Variants in GAN observed in about 807,000 individuals in gnomAD.
The protein encoded by GAN is epididymis secretory sperm binding protein.
GAN carries 48 observed loss-of-function variants against 71.3 expected under a neutral mutation model. The observed-to-expected ratio is 0.67, with a 90% CI of 0.53 to 0.86. The LOEUF (loss-of-function observed/expected upper bound fraction) is 0.86, where lower values mean the gene tolerates loss of function less well. Ranked by LOEUF, GAN falls within the 40% of genes least tolerant of loss-of-function variation. The pLI is 0.00. For synonymous variants in GAN, 386 were observed against 276.8 expected, an observed-to-expected ratio of 1.39 and a Z score of -3.92; for missense variants, 928 against 770.1, an observed-to-expected ratio of 1.21 and a Z score of -2.43.
At chr16:81,352,907 G>C (rs1045481791) in intron 2 of GAN, among the ~76,000 whole-genome samples, 3 of 152,254 alleles carry the variant, frequency 2.0e-5, no homozygotes, top group Non-Finnish European at 4.4e-5. Context: ...TTATAAGCCA[G>C]TAAGAGCCTA....
chr16:81,318,074 A>G (rs7195134), intron 1 of GAN, among the ~76,000 whole-genome samples: 142,961 of 152,300 alleles, frequency 0.94, 67,195 homozygotes, highest in Middle Eastern at 0.98. Context: ...TTGTATTTTT[A>G]CTGGTAATTT....
At chr16:81,317,396 G>C (rs1909079699) in intron 1 of GAN, among the ~76,000 whole-genome samples, 1 of 152,230 alleles carries the variant, frequency 6.6e-6, no homozygotes, top group Non-Finnish European at 1.5e-5. Context: ...TTAGCTGTGA[G>C]TTGCTGGTAG....
rs1162255656 is a variant in GAN, at chr16:81,388,681, C to T, written c.*11085C>T. On this transcript the variant is annotated 3_prime_UTR_variant, in exon 11 of 11. Transcript: ENST00000648994. ...TTGTGTGACAGGCCCTCTGCCATGT[C>T]TGTCCGCAGAGCCGGGTGGGGACCC... The T allele has an allele frequency of 1.3e-5, 2 of 152,422 alleles. No individual in the cohort carries two copies. The highest frequency in any genetic ancestry group is 2.4e-5 in the African/African-American group (1 of 41,482). 9.4% of individuals were successfully genotyped at this position (152,422 alleles called of 1,614,324 possible). A position where few individuals can be genotyped will look rare whatever the true frequency, so the allele number is the denominator to read the frequency against.
chr16:81,362,524 C>A lies in GAN; in HGVS notation c.999C>A (p.Gly333=). The A allele has an allele frequency of 6.2e-7, 1 of 1,606,090 alleles. No homozygotes were observed. Among genetic ancestry groups the A allele is most frequent in the Non-Finnish European group, 8.5e-7 (1 of 1,172,768 alleles). ...SAEGFLFVFG[G]QDENKQTLSS... ...AAGGATTTTTGTTTGTATTCGGGGG[C>A]CAAGATGAAAATAAGCAGACTCTTA... The change falls in exon 6 of 11, where the codon GGC becomes GGA. Residue 333 remains glycine, a synonymous_variant. Transcript: ENST00000648994.
At chr16:81,362,360 A>G (rs993045587) in intron 5 of GAN, 139 bp from the exon 6 acceptor site, 6 of 696,878 alleles carry the variant, frequency 8.6e-6, no homozygotes, top group Non-Finnish European at 1.1e-5. Context: ...ATCCAATGGG[A>G]TGTGATAAAA....
chr16:81,317,629 T>C (rs1909086188), intron 1 of GAN, among the ~76,000 whole-genome samples: 1 of 152,248 alleles, frequency 6.6e-6, no homozygotes, highest in Non-Finnish European at 1.5e-5. Flanking sequence ...ACTTGTGTTA[T>C]GAGGTTATTA....
chr16:81,336,302 C>A (rs1200427447), intron 1 of GAN, among the ~76,000 whole-genome samples: 1 of 152,104 alleles, frequency 6.6e-6, no homozygotes, highest in African/African-American at 2.4e-5. Flanking sequence ...TCTTGGATGG[C>A]AGGAACTGTG....
chr16:81,373,064 T>G (rs908222712), intron 9 of GAN, among the ~76,000 whole-genome samples: 2 of 152,208 alleles, frequency 1.3e-5, no homozygotes, highest in African/African-American at 4.8e-5. Context: ...TCATTAGACT[T>G]TTGTGTTTAT....
chr16:81,363,661 T>G (rs929622699), intron 6 of GAN, 133 bp from the exon 7 acceptor site: 1 of 847,308 alleles, frequency 1.2e-6, no homozygotes, highest in Non-Finnish European at 2.0e-6. Flanking sequence ...TCTCCCTGTC[T>G]CCTTGCTCTA....
intron 1 of GAN, among the ~76,000 whole-genome samples, chr16:81,340,767 G>A (rs1909915883): frequency 6.6e-6 from 1 of 151,798 alleles, no homozygotes. Context: ...GCCAGCAAGG[G>A]AACAAAACTG....
Position 81,381,772 on chromosome 16 carries a change from A to T in GAN, c.*4176A>T, listed in dbSNP as rs1309686305. On this transcript the variant is annotated 3_prime_UTR_variant, in exon 11 of 11. Transcript: ENST00000648994. The stretch of plus-strand genomic sequence containing the variant: ...AATAAATATAAGATTCTTGTGATCA[A>T]AGTAATGTTCTTCTGTTGAAAAGGG... 1 of 152,230 alleles carries T rather than the reference A, an allele frequency of 6.6e-6. No homozygotes were observed. Among genetic ancestry groups the T allele is most frequent in the African/African-American group, 2.4e-5 (1 of 41,460 alleles). 9.4% of individuals were successfully genotyped at this position (152,230 alleles called of 1,614,324 possible).
At chr16:81,364,871 C>A in intron 7 of GAN, 103 bp from the exon 8 acceptor site, 3 of 1,143,572 alleles carry the variant, frequency 2.6e-6, no homozygotes, top group South Asian at 2.5e-5. Context: ...AAATCAAACC[C>A]CTTCCTAAAT....
intron 1 of GAN, among the ~76,000 whole-genome samples, chr16:81,324,459 G>T (rs1211454853): frequency 6.6e-6 from 1 of 152,176 alleles, no homozygotes; most frequent in Non-Finnish European, 1.5e-5. Flanking sequence ...AGAGCAGGGG[G>T]AGGCACCAGG....
At chr16:81,321,008 T>C (rs1008132693) in intron 1 of GAN, among the ~76,000 whole-genome samples, 3 of 152,192 alleles carry the variant, frequency 2.0e-5, no homozygotes, top group Admixed American at 6.5e-5. Context: ...TATGTTCAGT[T>C]TCAGAAGATC....
intron 5 of GAN, among the ~76,000 whole-genome samples, chr16:81,359,771 A>G (rs924699768): frequency 1.4e-4 from 22 of 152,314 alleles, no homozygotes; most frequent in Middle Eastern, 3.4e-3. Context: ...TTTACTATAC[A>G]TCCATACCCA....
At chr16:81,346,092 C>G (rs1910109764) in intron 1 of GAN, among the ~76,000 whole-genome samples, 1 of 152,204 alleles carries the variant, frequency 6.6e-6, no homozygotes, top group Admixed American at 6.5e-5. Flanking sequence ...TTTGGAGATA[C>G]CTCCTCTAAA....
At chr16:81,358,923 G>C (rs994943294) in intron 5 of GAN, among the ~76,000 whole-genome samples, 2 of 152,094 alleles carry the variant, frequency 1.3e-5, no homozygotes, top group Non-Finnish European at 2.9e-5. Flanking sequence ...TGCTTGCCCA[G>C]CAACATTATC....
intron 1 of GAN, among the ~76,000 whole-genome samples, chr16:81,332,957 G>C (rs375243564): frequency 6.6e-6 from 1 of 152,022 alleles, no homozygotes; most frequent in Non-Finnish European, 1.5e-5. Context: ...ACTAGGTTTA[G>C]GGCCGAGTGC....
chr16:81,336,098 A>G (rs531607865), intron 1 of GAN, among the ~76,000 whole-genome samples: 3 of 152,200 alleles, frequency 2.0e-5, no homozygotes, highest in Admixed American at 2.0e-4. Context: ...CGACAGGACA[A>G]ATCCTGTAGG....
Sources: gnomAD v4.1 joint callset for allele counts (sites outside exome capture counted in the v4.1 genomes callset) on GRCh38, gnomAD v4.1.1 for gene constraint, MANE v1.5 for transcripts, NCBI Gene and HGNC (gene_info 2026-07-23, HGNC 2026-07-21) for gene names.